The following MYRFL variants were observed in gnomAD, a reference collection of about 807,000 sequenced individuals.
MYRFL encodes the protein myelin regulatory factor like.
In MYRFL, 88 loss-of-function variants were observed where a neutral mutation model predicts 109.4. The observed-to-expected ratio is 0.80, with a 90% CI of 0.68 to 0.96. The LOEUF is 0.96. Among genes scored for constraint, MYRFL ranks in the 40% least tolerant of loss-of-function variants. The pLI, the probability that MYRFL is intolerant of heterozygous loss-of-function variation, is 0.00. For synonymous variants in MYRFL, 324 were observed against 320.9 expected, an observed-to-expected ratio of 1.01 and a Z score of -0.10; for missense variants, 957 against 954.9, an observed-to-expected ratio of 1.00 and a Z score of -0.03.
chr12:69,857,913 T>A (rs1884397794), intron 2 of MYRFL, among the ~76,000 whole-genome samples: 1 of 151,856 alleles, frequency 6.6e-6, no homozygotes, highest in South Asian at 2.1e-4. Flanking sequence ...AAAGAAATAG[T>A]GAGACTAGAC....
At position 69,926,737 on chromosome 12, in the gene MYRFL, A is replaced by T. The variant is rs1361900389; in HGVS notation, c.1766+3A>T. ...GCCAGTGAAGCAAGCACAATCAGGT[A>T]CGTGCAGCCAGGATTGCCATAGAAA... On this transcript the variant is annotated splice_donor_region_variant and intron_variant, in intron 14 of 24. Transcript: ENST00000552032. 2.8e-6 allele frequency: 4 copies of T among 1,443,414 alleles called. No individual in the cohort carries two copies. The African/African-American group carries it at 5.7e-5, about 20-fold the overall frequency. The allele number at this position is 1,443,414 out of a possible 1,614,324, so 89.4% of individuals were successfully genotyped here. A position where few individuals can be genotyped will look rare whatever the true frequency, so the allele number is the denominator to read the frequency against.
intron 10 of MYRFL, among the ~76,000 whole-genome samples, chr12:69,900,620 C>T (rs1954152134): frequency 6.6e-6 from 1 of 152,144 alleles, no homozygotes; most frequent in South Asian, 2.1e-4. Context: ...TTTTCTGTAA[C>T]CCTCTCAAAA....
chr12:69,876,479 A>G (rs1426492185), intron 2 of MYRFL, among the ~76,000 whole-genome samples: 1 of 151,926 alleles, frequency 6.6e-6, no homozygotes, highest in Non-Finnish European at 1.5e-5. Flanking sequence ...AAGGGGGAAA[A>G]AAAAACGAAA....
Position 69,825,427 on chromosome 12 carries a change from T to A in MYRFL, c.-91T>A, listed in dbSNP as rs1882213558. 1.4e-6 allele frequency: 1 copy of A among 693,122 alleles called. No individual in the cohort carries two copies. The highest frequency in any genetic ancestry group is 1.5e-5 in the South Asian group (1 of 65,682). The allele number at this position is 693,122 out of a possible 1,614,324, so 42.9% of individuals were successfully genotyped here. A position where few individuals can be genotyped will look rare whatever the true frequency, so the allele number is the denominator to read the frequency against. On this transcript the variant is annotated 5_prime_UTR_variant, in exon 1 of 25. Transcript: ENST00000552032. ...AGAAAATGAAGATTTTTCAAGAGCA[T>A]TCGTAGGCTTCGAATCAAAAGGACA...
intron 19 of MYRFL, among the ~76,000 whole-genome samples, chr12:69,944,040 G>A (rs2120517757): frequency 6.7e-6 from 1 of 150,254 alleles, no homozygotes; most frequent in East Asian, 2.0e-4. Context: ...AGCAACAGGT[G>A]CTGGAGAGGA....
At chr12:69,928,399 C>T (rs1293245983) in intron 15 of MYRFL, among the ~76,000 whole-genome samples, 2 of 152,214 alleles carry the variant, frequency 1.3e-5, no homozygotes, top group African/African-American at 4.8e-5. Context: ...CAGCTTGCTC[C>T]CTCTGATCCA....
intron 8 of MYRFL, 79 bp downstream of exon 8, chr12:69,893,919 T>G (rs1365586168): frequency 4.8e-6 from 2 of 415,026 alleles, no homozygotes; most frequent in Non-Finnish European, 7.4e-6. Flanking sequence ...ATATATAATT[T>G]TATTTATTAT....
At chr12:69,846,077 C>G in intron 1 of MYRFL, among the ~76,000 whole-genome samples, 1 of 130,530 alleles carries the variant, frequency 7.7e-6, no homozygotes, top group East Asian at 2.6e-4. Flanking sequence ...CCCTTGGATG[C>G]TGGCTTTTAG....
At chr12:69,901,526 C>T (rs1954179530) in intron 10 of MYRFL, among the ~76,000 whole-genome samples, 1 of 152,166 alleles carries the variant, frequency 6.6e-6, no homozygotes. Context: ...AAAATTAAAT[C>T]CACTTATATC....
Position 69,942,020 on chromosome 12 carries a change from A to C in MYRFL, c.2224+5388A>C, listed in dbSNP as rs1260893541. The stretch of plus-strand genomic sequence containing the variant: ...AATCTCTGAATAGACCAATAACAGG[A>C]TCTGAAATTGTGGCAATAATCAATA... On this transcript the variant is annotated intron_variant, in intron 19 of 24. Coordinates refer to ENST00000552032, the MANE Select transcript of MYRFL (RefSeq NM_182530.3). Among the ~76,000 whole-genome samples the C allele has an allele frequency of 2.0e-3, 298 of 150,150 alleles. 1 individual carries two copies. The highest frequency in any genetic ancestry group is 0.016 in the East Asian group (81 of 5,156).
chr12:69,889,288 A>T (rs945373447), intron 6 of MYRFL, among the ~76,000 whole-genome samples: 2 of 152,200 alleles, frequency 1.3e-5, no homozygotes, highest in South Asian at 4.1e-4. Flanking sequence ...ATGCATGGGA[A>T]AAATTCATCA....
chr12:69,943,780 C>T (rs1275670903), intron 19 of MYRFL, among the ~76,000 whole-genome samples: 2 of 149,500 alleles, frequency 1.3e-5, no homozygotes, highest in Non-Finnish European at 3.0e-5. Context: ...TTGCAACCTA[C>T]TCATCTGACA....
At chr12:69,917,590 T>A (rs1954780085) in intron 13 of MYRFL, among the ~76,000 whole-genome samples, 2 of 152,188 alleles carry the variant, frequency 1.3e-5, no homozygotes, top group South Asian at 4.1e-4. Context: ...CTTAGGCCTC[T>A]GCATATACAT....
Position 69,893,779 on chromosome 12 carries a change from C to A in MYRFL, c.919C>A (p.Gln307Lys), listed in dbSNP as rs763702673. 6 of 1,433,342 alleles carry A rather than the reference C, an allele frequency of 4.2e-6. No individual in the cohort carries two copies. The South Asian group carries it at 6.3e-5, about 15-fold the overall frequency. The allele number at this position is 1,433,342 out of a possible 1,614,324, so 88.8% of individuals were successfully genotyped here. A position where few individuals can be genotyped will look rare whatever the true frequency, so the allele number is the denominator to read the frequency against. The change falls in exon 8 of 25, where the codon CAA becomes AAA. Residue 307 changes from glutamine (Q) to lysine (K), a missense_variant. By Grantham distance (53) the Gln-to-Lys change is moderately conservative. Coordinates refer to ENST00000552032, the MANE Select transcript of MYRFL (RefSeq NM_182530.3). Reference sequence around the variant, plus strand: ...TTTCATACAGGTGGAAGCTACCAATCAAATAATTGCTATTGAACAGTCCCA... The same window carrying A: ...TTTCATACAGGTGGAAGCTACCAATAAAATAATTGCTATTGAACAGTCCCA... Reference protein sequence around the residue: ...VFGTKVEATNQIIAIEQSQAD... With the variant: ...VFGTKVEATNKIIAIEQSQAD...
chr12:69,862,465 A>C (rs866346785), intron 2 of MYRFL, among the ~76,000 whole-genome samples: 1 of 151,590 alleles, frequency 6.6e-6, no homozygotes, highest in Non-Finnish European at 1.5e-5. Flanking sequence ...GGTCCTTCAC[A>C]TCCCTTGTAA....
chr12:69,916,563 A>G (rs1054932310), intron 13 of MYRFL, among the ~76,000 whole-genome samples: 9 of 152,262 alleles, frequency 5.9e-5, no homozygotes, highest in African/African-American at 1.7e-4. Flanking sequence ...CCACACTATT[A>G]TAATGATCTC....
At chr12:69,892,186 A>G (rs1886956173) in intron 7 of MYRFL, among the ~76,000 whole-genome samples, 1 of 152,196 alleles carries the variant, frequency 6.6e-6, no homozygotes, top group Non-Finnish European at 1.5e-5. Flanking sequence ...AAAAAAGCCA[A>G]GGAGCCACTA....
Position 69,938,783 on chromosome 12 carries a change from G to T in MYRFL, c.2224+2151G>T, listed in dbSNP as rs368553179. On this transcript the variant is annotated intron_variant, in intron 19 of 24. Coordinates refer to ENST00000552032, the MANE Select transcript of MYRFL (RefSeq NM_182530.3). ...TTTCTGCATTTCCCTCTGAGGTACC[G>T]GGTTCATCTCACTAGGGAGTGCCAG... Among the ~76,000 whole-genome samples, 37 of 152,234 alleles carry T rather than the reference G, an allele frequency of 2.4e-4. No homozygotes were observed. In the East Asian group the frequency reaches 7.0e-3, roughly 29 times the overall value.
At chr12:69,928,025 C>T (rs1024154933) in intron 15 of MYRFL, among the ~76,000 whole-genome samples, 2 of 152,164 alleles carry the variant, frequency 1.3e-5, no homozygotes, top group Non-Finnish European at 1.5e-5. Context: ...TCAGCAGCCT[C>T]GTCATACAGA....
Sources: allele counts gnomAD v4.1 joint callset (sites outside exome capture counted in the v4.1 genomes callset), GRCh38; gene constraint gnomAD v4.1.1; transcripts MANE v1.5; gene names NCBI Gene and HGNC (gene_info 2026-07-23, HGNC 2026-07-21).